ZNF66: variants seen among roughly 807,000 people sequenced by gnomAD.
ZNF66 encodes the protein putative zinc finger protein 66.
Under a neutral mutation model 35.2 loss-of-function variants are expected in ZNF66, and 32 were observed. That is an observed-to-expected ratio of 0.91 (90% CI 0.69 to 1.22). ZNF66 has a LOEUF of 1.22. ZNF66 is among the 50% of genes most tolerant of loss of function. The pLI is 0.00. For missense variants in ZNF66, 666 were observed against 543.1 expected (o/e 1.23, Z -2.25); for synonymous variants, 231 against 181.3 (o/e 1.27, Z -2.20).
At chr19:20,795,176 G>A (rs1433666098) in intron 3 of ZNF66, among the ~76,000 whole-genome samples, 1 of 149,566 alleles carries the variant, frequency 6.7e-6, no homozygotes, top group Non-Finnish European at 1.5e-5. Flanking sequence ...TGCCTGGCTG[G>A]ATTTTTTTAT....
chr19:20,809,004 T>G lies in ZNF66; in HGVS notation c.*1682T>G, dbSNP rs1465561855. Among the ~76,000 whole-genome samples, 1 of 152,068 alleles carries G rather than the reference T, an allele frequency of 6.6e-6. No homozygotes were observed. Among genetic ancestry groups the G allele is most frequent in the Non-Finnish European group, 1.5e-5 (1 of 68,026 alleles). ...AAATGCTTAAAGGAGCTGATGGAGC[T>G]GAAAGCCAAGGATCAAGAACTACGT... On this transcript the variant is annotated 3_prime_UTR_variant, in exon 4 of 4. Coordinates refer to ENST00000344519, the MANE Select transcript of ZNF66 (RefSeq NM_001355197.2).
chr19:20,800,993 G>A (rs982405069), intron 3 of ZNF66, among the ~76,000 whole-genome samples: 9 of 151,716 alleles, frequency 5.9e-5, no homozygotes, highest in East Asian at 1.9e-4. Flanking sequence ...TATATATTTT[G>A]GAGCCCTGAT....
At chr19:20,797,219 TTTTTTTG>T (rs1971402774) in intron 3 of ZNF66, among the ~76,000 whole-genome samples, 1 of 90,214 alleles carries the variant, frequency 1.1e-5, no homozygotes, top group Non-Finnish European at 2.3e-5. Context: ...TTTTTTTTTT[TTTTTTTG>T]AGACGGAGTC....
At chr19:20,804,349 T>A (rs1321774922) in intron 3 of ZNF66, among the ~76,000 whole-genome samples, 1 of 152,104 alleles carries the variant, frequency 6.6e-6, no homozygotes, top group Non-Finnish European at 1.5e-5. Context: ...GTTCAAGCAA[T>A]TCTCTTGCCT....
At chr19:20,800,767 G>T (rs1462054358) in intron 3 of ZNF66, among the ~76,000 whole-genome samples, 1 of 152,138 alleles carries the variant, frequency 6.6e-6, no homozygotes, top group East Asian at 1.9e-4. Flanking sequence ...AGTCTGCTGA[G>T]CTGTGAGCCA....
intron 1 of ZNF66, among the ~76,000 whole-genome samples, chr19:20,792,065 A>T (rs1971343009): frequency 6.6e-6 from 1 of 151,810 alleles, no homozygotes; most frequent in East Asian, 1.9e-4. Context: ...GGCCAAAAAC[A>T]TTGACATTAT....
At position 20,809,810 on chromosome 19, in the gene ZNF66, C is replaced by A. The variant is rs144067634; in HGVS notation, c.*2488C>A. Reference sequence around the variant, plus strand: ...TAACCAGCTAACATCATAATGACAGCATCAAATTCTCACATAACAATATTA... The same window carrying A: ...TAACCAGCTAACATCATAATGACAGAATCAAATTCTCACATAACAATATTA... On this transcript the variant is annotated 3_prime_UTR_variant, in exon 4 of 4. Coordinates refer to ENST00000344519, the MANE Select transcript of ZNF66 (RefSeq NM_001355197.2). Among the ~76,000 whole-genome samples the A allele has an allele frequency of 6.6e-6, 1 of 151,824 alleles. No individual in the cohort carries two copies. Among genetic ancestry groups the A allele is most frequent in the Non-Finnish European group, 1.5e-5 (1 of 67,996 alleles).
rs1971193875 is a variant in ZNF66, at chr19:20,776,366, A to G, written c.-82A>G. ...ACTGCTCTCTGTCTTCTTCTCCTAG[A>G]GGCCCAGCCTCTGTGGCCCTGTGTC... On this transcript the variant is annotated 5_prime_UTR_variant, in exon 1 of 4. Transcript: ENST00000344519. The G allele has an allele frequency of 2.0e-6, 3 of 1,509,648 alleles. No individual in the cohort carries two copies. The highest frequency in any genetic ancestry group is 2.8e-6 in the Non-Finnish European group (3 of 1,087,640). 93.5% of individuals were successfully genotyped at this position (1,509,648 alleles called of 1,614,324 possible).
At chr19:20,777,970 C>T (rs1473004333) in intron 1 of ZNF66, among the ~76,000 whole-genome samples, 1 of 152,166 alleles carries the variant, frequency 6.6e-6, no homozygotes, top group Non-Finnish European at 1.5e-5. Flanking sequence ...ATTAGTTCCT[C>T]TTTTTGCAGG....
At chr19:20,797,553 G>A (rs1971407314) in intron 3 of ZNF66, among the ~76,000 whole-genome samples, 1 of 81,108 alleles carries the variant, frequency 1.2e-5, no homozygotes, top group Admixed American at 1.1e-4. Flanking sequence ...TTATATTAGT[G>A]TGTTTTTCAG....
intron 3 of ZNF66, among the ~76,000 whole-genome samples, chr19:20,803,227 T>C (rs139272251): frequency 3.3e-5 from 5 of 151,900 alleles, no homozygotes; most frequent in African/African-American, 1.2e-4. Flanking sequence ...ATTATATATA[T>C]TTAAATAGTT....
chr19:20,776,467 A>G lies in ZNF66; in HGVS notation c.3+17A>G, dbSNP rs750896191. The G allele has an allele frequency of 1.2e-5, 18 of 1,545,822 alleles. No individual in the cohort carries two copies. The South Asian group carries it at 2.0e-4, about 17-fold the overall frequency. On this transcript the variant is annotated intron_variant, in intron 1 of 3. Transcript: ENST00000344519. ...CTAGAAATGGTGAGAGTGCCGGTCC[A>G]GCATCCCGAGAGAGGTGAAGTGTCT...
At chr19:20,804,227 ATTTAT>A (rs1397636818) in intron 3 of ZNF66, among the ~76,000 whole-genome samples, 1 of 151,514 alleles carries the variant, frequency 6.6e-6, no homozygotes, top group South Asian at 2.1e-4. Flanking sequence ...ATATTATTCA[ATTTAT>A]TTTATTTTAT....
At chr19:20,780,924 G>C (rs59379260) in intron 1 of ZNF66, among the ~76,000 whole-genome samples, 19,937 of 151,914 alleles carry the variant, frequency 0.13, 1,538 homozygotes, top group African/African-American at 0.2. Context: ...ACATTGACAC[G>C]TCCACACTCC....
intron 3 of ZNF66, among the ~76,000 whole-genome samples, chr19:20,796,837 T>G (rs1159532620): frequency 6.6e-6 from 1 of 152,190 alleles, no homozygotes; most frequent in Non-Finnish European, 1.5e-5. Flanking sequence ...AGTTAAATAT[T>G]TCAGTTACCT....
intron 1 of ZNF66, among the ~76,000 whole-genome samples, chr19:20,791,501 AAAAAG>A (rs1971337421): frequency 6.6e-6 from 1 of 151,328 alleles, no homozygotes; most frequent in African/African-American, 2.4e-5. Context: ...AAAAAAAAAA[AAAAAG>A]AAAATTGCTC....
intron 3 of ZNF66, among the ~76,000 whole-genome samples, chr19:20,797,604 C>T (rs1471632776): frequency 6.6e-6 from 1 of 150,990 alleles, no homozygotes; most frequent in Non-Finnish European, 1.5e-5. Flanking sequence ...TGCTCTGTCA[C>T]CCAGGCTGGA....
In ZNF66 at chr19:20,786,719, G is replaced by A. The variant is rs114621472; in HGVS notation, c.4-5793G>A. On this transcript the variant is annotated intron_variant, in intron 1 of 3. Transcript: ENST00000344519. The stretch of plus-strand genomic sequence containing the variant: ...TTGAAACTGTTCCCTATTGGCACAA[G>A]TAGCTATAAATGACACTAATAATGC... 1.3e-3 allele frequency among the ~76,000 whole-genome samples: 202 copies of A among 152,314 alleles called. 2 individuals are homozygous for A. Among genetic ancestry groups the A allele is most frequent in the African/African-American group, 4.7e-3 (195 of 41,566 alleles).
intron 3 of ZNF66, among the ~76,000 whole-genome samples, chr19:20,801,428 T>C (rs1568499577): frequency 6.6e-6 from 1 of 151,734 alleles, no homozygotes; most frequent in South Asian, 2.1e-4. Context: ...ACTGCAATCT[T>C]CACCTCCTGG....
Sources: gnomAD v4.1 joint callset for allele counts (sites outside exome capture counted in the v4.1 genomes callset) on GRCh38, gnomAD v4.1.1 for gene constraint, MANE v1.5 for transcripts, NCBI Gene and HGNC (gene_info 2026-07-23, HGNC 2026-07-21) for gene names.